NOS1AP: variants seen among roughly 807,000 people sequenced by gnomAD.
The protein encoded by NOS1AP is carboxyl-terminal PDZ ligand of neuronal nitric oxide synthase protein.
NOS1AP carries 21 observed loss-of-function variants against 56.2 expected under a neutral mutation model. That is an observed-to-expected ratio of 0.37 (90% CI 0.26 to 0.54). The LOEUF (loss-of-function observed/expected upper bound fraction) is 0.54. Ranked by LOEUF, NOS1AP falls within the 20% of genes least tolerant of loss-of-function variation. The probability of loss-of-function intolerance (pLI) is 0.84; values close to 1 mark genes in which losing one functional copy is unlikely to be tolerated. For missense variants in NOS1AP, 522 were observed against 657.8 expected (o/e 0.79, Z 2.26); for synonymous variants, 270 against 274.6 (o/e 0.98, Z 0.17).
At chr1:162,155,136 G>C (rs1293528255) in intron 2 of NOS1AP, among the ~76,000 whole-genome samples, 2 of 151,524 alleles carry the variant, frequency 1.3e-5, no homozygotes, top group African/African-American at 4.8e-5. Context: ...TGTGTTATAT[G>C]GGGAGGGTGG....
chr1:162,337,130 A>G (rs1656966874), intron 5 of NOS1AP, among the ~76,000 whole-genome samples: 1 of 152,210 alleles, frequency 6.6e-6, no homozygotes. Context: ...CTCTAGGAGT[A>G]TATGGCTGTC....
intron 2 of NOS1AP, among the ~76,000 whole-genome samples, chr1:162,255,349 C>T (rs1437466768): frequency 1.3e-5 from 2 of 152,122 alleles, no homozygotes; most frequent in Non-Finnish European, 2.9e-5. Flanking sequence ...CTGGCCCTGG[C>T]CAAACTGAAT....
intron 1 of NOS1AP, among the ~76,000 whole-genome samples, chr1:162,108,943 A>G (rs933317472): frequency 1.3e-5 from 2 of 152,258 alleles, no homozygotes; most frequent in Admixed American, 6.5e-5. Flanking sequence ...TATAAAGGAA[A>G]GAGGTTTAAT....
At chr1:162,074,568 TTATCCCTGGTTCCC>T (rs1007081572) in intron 1 of NOS1AP, among the ~76,000 whole-genome samples, 2 of 152,148 alleles carry the variant, frequency 1.3e-5, no homozygotes, top group African/African-American at 4.8e-5. Context: ...GAACCAGGAC[TTATCCCTGGTTCCC>T]TGGCTTCAAA....
rs1202351838 is a variant in NOS1AP, at chr1:162,188,988, C to T, written c.177+34512C>T. Among the ~76,000 whole-genome samples, 2 of 152,034 alleles carry T rather than the reference C, an allele frequency of 1.3e-5. No individual in the cohort carries two copies. The highest frequency in any genetic ancestry group is 1.9e-4 in the East Asian group (1 of 5,200). On this transcript the variant is annotated intron_variant, in intron 2 of 9. Coordinates refer to ENST00000361897, the MANE Select transcript of NOS1AP (RefSeq NM_014697.3). This position sits in a 1 kb window ranked among gnomAD's most constrained non-coding sequence, Gnocchi z 4.0. Reference sequence around the variant, plus strand: ...AGGAGAATCACTTGAACCCAAGAAGCGGAGGTTGCAGTGAGCCGAGATTGC... The same window carrying T: ...AGGAGAATCACTTGAACCCAAGAAGTGGAGGTTGCAGTGAGCCGAGATTGC...
rs1692241597 is a variant in NOS1AP, at chr1:162,096,409, G to A, written c.105+26127G>A. On this transcript the variant is annotated intron_variant, in intron 1 of 9. Coordinates refer to ENST00000361897, the MANE Select transcript of NOS1AP (RefSeq NM_014697.3). Reference sequence around the variant, plus strand: ...CCATCAGGCCTCTTGACATGAATTTGATTTTTAAAACATTACAAAATATTT... The same window carrying A: ...CCATCAGGCCTCTTGACATGAATTTAATTTTTAAAACATTACAAAATATTT... Among the ~76,000 whole-genome samples the A allele has an allele frequency of 3.9e-5, 6 of 152,022 alleles. 1 individual carries two copies. The South Asian group carries it at 1.2e-3, about 31-fold the overall frequency.
intron 4 of NOS1AP, among the ~76,000 whole-genome samples, chr1:162,316,328 T>A (rs1427276468): frequency 6.6e-6 from 1 of 152,192 alleles, no homozygotes; most frequent in Non-Finnish European, 1.5e-5. Context: ...GTCGAATGAC[T>A]TTGTTCAGCT....
intron 2 of NOS1AP, among the ~76,000 whole-genome samples, chr1:162,193,967 C>G (rs906251435): frequency 6.6e-6 from 1 of 152,184 alleles, no homozygotes; most frequent in Admixed American, 6.6e-5. Context: ...TGCCAGCTTA[C>G]TGGAGTGTGA....
At chr1:162,096,524 G>C (rs1180238914) in intron 1 of NOS1AP, among the ~76,000 whole-genome samples, 1 of 151,904 alleles carries the variant, frequency 6.6e-6, no homozygotes, top group Non-Finnish European at 1.5e-5. Context: ...AAGTCCCCTG[G>C]ATACTCCTCC....
intron 2 of NOS1AP, among the ~76,000 whole-genome samples, chr1:162,155,364 A>G (rs1649918785): frequency 1.6e-5 from 1 of 63,450 alleles, no homozygotes; most frequent in African/African-American, 5.3e-5. Context: ...GTATGTGTAT[A>G]TATATATAGA....
chr1:162,315,170 A>G (rs949165849), intron 4 of NOS1AP, among the ~76,000 whole-genome samples: 1 of 152,234 alleles, frequency 6.6e-6, no homozygotes, highest in Admixed American at 6.5e-5. Context: ...ACTGACATGT[A>G]AGGACCATGT....
At chr1:162,194,256 C>A (rs1363243531) in intron 2 of NOS1AP, among the ~76,000 whole-genome samples, 1 of 152,116 alleles carries the variant, frequency 6.6e-6, no homozygotes, top group Non-Finnish European at 1.5e-5. Flanking sequence ...ACCAAAACAG[C>A]CATTACTACT....
At position 162,114,660 on chromosome 1, in the gene NOS1AP, T is replaced by C. The variant is rs115733998; in HGVS notation, c.106-39745T>C. Among the ~76,000 whole-genome samples, 556 of 152,302 alleles carry C rather than the reference T, an allele frequency of 3.7e-3. 2 individuals carry two copies. Among genetic ancestry groups the C allele is most frequent in the African/African-American group, 0.013 (521 of 41,564 alleles). On this transcript the variant is annotated intron_variant, in intron 1 of 9. Coordinates refer to ENST00000361897, the MANE Select transcript of NOS1AP (RefSeq NM_014697.3). Reference sequence around the variant, plus strand: ...AATTGGATGCATCATCTGCCTTGGTTGTCCAGCCCCTCTTTCAACAACCTT... The same window carrying C: ...AATTGGATGCATCATCTGCCTTGGTCGTCCAGCCCCTCTTTCAACAACCTT...
intron 4 of NOS1AP, among the ~76,000 whole-genome samples, chr1:162,311,671 C>T (rs564936741): frequency 3.9e-4 from 58 of 149,222 alleles, no homozygotes; most frequent in Middle Eastern, 3.4e-3. Flanking sequence ...CATGCTGGTG[C>T]GCTGCACCCA....
At chr1:162,315,132 G>A (rs1309043320) in intron 4 of NOS1AP, among the ~76,000 whole-genome samples, 1 of 152,212 alleles carries the variant, frequency 6.6e-6, no homozygotes, top group African/African-American at 2.4e-5. Context: ...TGGATGATGG[G>A]AATGTTGGCC....
At chr1:162,254,893 G>A (rs555498687) in intron 2 of NOS1AP, among the ~76,000 whole-genome samples, 138 of 152,294 alleles carry the variant, frequency 9.1e-4, no homozygotes, top group Non-Finnish European at 1.6e-3. Context: ...CACACAGCTG[G>A]TAGATTCCTT....
At chr1:162,356,453 G>A (rs1320711759) in intron 7 of NOS1AP, among the ~76,000 whole-genome samples, 1 of 152,166 alleles carries the variant, frequency 6.6e-6, no homozygotes, top group African/African-American at 2.4e-5. Flanking sequence ...CCCCTCACAT[G>A]GCCCCTTCCT....
Position 162,367,660 on chromosome 1 carries a change from A to G in NOS1AP, c.*193A>G, listed in dbSNP as rs1658144754. ...AAAGTGGGGAAGAAATCGGATTCCCAGAGGTGAATCAGCTCCTCTCCTACT... is the reference window on the plus strand; with the variant it reads ...AAAGTGGGGAAGAAATCGGATTCCCGGAGGTGAATCAGCTCCTCTCCTACT... On this transcript the variant is annotated 3_prime_UTR_variant, in exon 10 of 10. Transcript: ENST00000361897. This position sits in a 1 kb window ranked among gnomAD's most constrained non-coding sequence, Gnocchi z 6.5. The G allele has an allele frequency of 1.5e-6, 1 of 657,006 alleles. No homozygotes were observed. Among genetic ancestry groups the G allele is most frequent in the South Asian group, 2.0e-5 (1 of 50,250 alleles). The allele number at this position is 657,006 out of a possible 1,614,324, so 40.7% of individuals were successfully genotyped here. A position where few individuals can be genotyped will look rare whatever the true frequency, so the allele number is the denominator to read the frequency against.
At chr1:162,260,823 G>A (rs1340815283) in intron 2 of NOS1AP, among the ~76,000 whole-genome samples, 12 of 152,004 alleles carry the variant, frequency 7.9e-5, no homozygotes, top group African/African-American at 2.9e-4. Flanking sequence ...TGAGTATAAT[G>A]ATTGACTATC....
Sources: gnomAD v4.1 joint callset for allele counts (sites outside exome capture counted in the v4.1 genomes callset) on GRCh38, gnomAD v4.1.1 for gene constraint, Gnocchi (gnomAD v3.1) non-coding constraint, MANE v1.5 for transcripts, NCBI Gene and HGNC (gene_info 2026-07-23, HGNC 2026-07-21) for gene names.